Variants in ADAMTS19 observed in about 807,000 individuals in gnomAD.
The protein encoded by ADAMTS19 is A disintegrin and metalloproteinase with thrombospondin motifs 19.
A neutral mutation model predicts 153.3 loss-of-function variants in ADAMTS19; 93 were observed. That is an observed-to-expected ratio of 0.61 (90% confidence interval 0.51 to 0.72). The LOEUF (loss-of-function observed/expected upper bound fraction) is 0.72. Ranked by LOEUF, ADAMTS19 falls within the 30% of genes least tolerant of loss-of-function variation. The probability of loss-of-function intolerance (pLI) is 0.00; values close to 1 mark genes in which losing one functional copy is unlikely to be tolerated. For synonymous variants in ADAMTS19, 600 were observed against 556.6 expected, an observed-to-expected ratio of 1.08 and a Z score of -1.10; for missense variants, 1,482 against 1,552.1, an observed-to-expected ratio of 0.95 and a Z score of 0.76.
Position 129,647,803 on chromosome 5 carries a change from A to C in ADAMTS19, c.1911A>C (p.Ala637=). Residue 637 remains alanine, a synonymous_variant, in exon 12 of 23, where the codon GCA becomes GCC. Transcript: ENST00000274487. The part of the protein sequence containing the change: ...KAGECTSRTS[A]PEHLAGEWSL... ...GAGAATGTACCAGCAGGACCTCAGC[A>C]CCTGAACATCTGGCCGGAGAGTGGA... The C allele has an allele frequency of 6.2e-7, 1 of 1,614,130 alleles. No homozygotes were observed. Among genetic ancestry groups the C allele is most frequent in the African/African-American group, 1.3e-5 (1 of 75,042 alleles).
chr5:129,536,040 A>G (rs1331001070), intron 6 of ADAMTS19, among the ~76,000 whole-genome samples: 3 of 152,236 alleles, frequency 2.0e-5, no homozygotes, highest in South Asian at 2.1e-4. Context: ...AGCAATGGCA[A>G]CAAAAGCCAA....
intron 3 of ADAMTS19, among the ~76,000 whole-genome samples, chr5:129,514,758 G>A (rs1316482403): frequency 6.6e-6 from 1 of 151,730 alleles, no homozygotes; most frequent in African/African-American, 2.4e-5. Flanking sequence ...TTTGTTAATT[G>A]TATCCTTTGC....
At chr5:129,637,107 T>C (rs922090838) in intron 10 of ADAMTS19, among the ~76,000 whole-genome samples, 4 of 152,208 alleles carry the variant, frequency 2.6e-5, no homozygotes, top group African/African-American at 9.6e-5. Flanking sequence ...ATCTTTGCCA[T>C]GTGCCTAATG....
chr5:129,481,238 CAGG>C (rs1279658856), intron 2 of ADAMTS19, among the ~76,000 whole-genome samples: 1 of 152,126 alleles, frequency 6.6e-6, no homozygotes, highest in Non-Finnish European at 1.5e-5. Context: ...CACAAGGTGG[CAGG>C]AGAGAGAGAC....
intron 10 of ADAMTS19, among the ~76,000 whole-genome samples, chr5:129,622,783 C>A (rs1182825364): frequency 6.6e-6 from 1 of 152,134 alleles, no homozygotes; most frequent in African/African-American, 2.4e-5. Flanking sequence ...TACCCACATC[C>A]TCCCAAATAC....
intron 10 of ADAMTS19, among the ~76,000 whole-genome samples, chr5:129,638,356 T>C (rs1400491148): frequency 6.6e-6 from 1 of 152,136 alleles, no homozygotes; most frequent in African/African-American, 2.4e-5. Flanking sequence ...ACTTTTCAAG[T>C]GTATTGGCAT....
At chr5:129,587,806 C>G (rs1335001880) in intron 7 of ADAMTS19, among the ~76,000 whole-genome samples, 1 of 152,018 alleles carries the variant, frequency 6.6e-6, no homozygotes, top group East Asian at 1.9e-4. Flanking sequence ...ACCTCCCACC[C>G]CCAGGTTTTT....
intron 2 of ADAMTS19, among the ~76,000 whole-genome samples, chr5:129,489,620 A>G (rs1581000618): frequency 6.6e-6 from 1 of 152,286 alleles, no homozygotes; most frequent in East Asian, 1.9e-4. Context: ...GTTCATTACT[A>G]TTAGTAAGTT....
intron 21 of ADAMTS19, among the ~76,000 whole-genome samples, chr5:129,719,367 A>G (rs1475493090): frequency 2.0e-5 from 3 of 152,190 alleles, no homozygotes; most frequent in Non-Finnish European, 2.9e-5. Flanking sequence ...AATCTCCCAT[A>G]TGGCCCCCAA....
At chr5:129,492,265 G>A (rs2126692544) in intron 2 of ADAMTS19, among the ~76,000 whole-genome samples, 1 of 152,180 alleles carries the variant, frequency 6.6e-6, no homozygotes, top group African/African-American at 2.4e-5. Flanking sequence ...AGTATCAAGG[G>A]GAGGGTACTA....
intron 8 of ADAMTS19, among the ~76,000 whole-genome samples, chr5:129,613,511 G>C (rs1179800569): frequency 3.3e-5 from 5 of 152,032 alleles, no homozygotes; most frequent in Non-Finnish European, 7.4e-5. Flanking sequence ...CAACATACCA[G>C]AATCTCTGGG....
chr5:129,535,704 C>A (rs946861208), intron 6 of ADAMTS19, among the ~76,000 whole-genome samples: 2 of 152,106 alleles, frequency 1.3e-5, no homozygotes, highest in East Asian at 3.9e-4. Context: ...GTACTGGTAC[C>A]GAAACAGAGA....
chr5:129,494,844 G>T (rs1750875365), intron 2 of ADAMTS19, among the ~76,000 whole-genome samples: 1 of 151,984 alleles, frequency 6.6e-6, no homozygotes, highest in Non-Finnish European at 1.5e-5. Context: ...TCTACCTTCA[G>T]AGTTTATCTT....
chr5:129,599,322 TTAA>T (rs2126925788), intron 8 of ADAMTS19, among the ~76,000 whole-genome samples: 1 of 152,200 alleles, frequency 6.6e-6, no homozygotes, highest in East Asian at 1.9e-4. Context: ...GAAAAAATTA[TTAA>T]TAATTAATTT....
chr5:129,603,831 A>T (rs147697405), intron 8 of ADAMTS19, among the ~76,000 whole-genome samples: 2 of 152,200 alleles, frequency 1.3e-5, no homozygotes, highest in Non-Finnish European at 2.9e-5. Context: ...GCCTGAATCC[A>T]TGATCAAAGC....
At chr5:129,576,128 C>A (rs1488017684) in intron 7 of ADAMTS19, among the ~76,000 whole-genome samples, 7 of 151,850 alleles carry the variant, frequency 4.6e-5, no homozygotes, top group African/African-American at 1.5e-4. Context: ...ACAGCAGAAA[C>A]AAACCCTATT....
intron 7 of ADAMTS19, among the ~76,000 whole-genome samples, chr5:129,576,823 A>G (rs1754121130): frequency 6.6e-6 from 1 of 151,724 alleles, no homozygotes; most frequent in Non-Finnish European, 1.5e-5. Flanking sequence ...ACTTAAGCAT[A>G]TTGGCTGACC....
chr5:129,623,739 AGAGTAAGT>A (rs1485473022), intron 10 of ADAMTS19, among the ~76,000 whole-genome samples: 1 of 152,152 alleles, frequency 6.6e-6, no homozygotes, highest in African/African-American at 2.4e-5. Flanking sequence ...GGACTGGCAC[AGAGTAAGT>A]GAAATATCCA....
chr5:129,550,514 A>G (rs1436363260), intron 6 of ADAMTS19, among the ~76,000 whole-genome samples: 1 of 149,648 alleles, frequency 6.7e-6, no homozygotes, highest in African/African-American at 2.4e-5. Flanking sequence ...ATCTATACAT[A>G]TCTGTATATA....
Sources: allele counts gnomAD v4.1 joint callset (sites outside exome capture counted in the v4.1 genomes callset), GRCh38; gene constraint gnomAD v4.1.1; transcripts MANE v1.5; gene names NCBI Gene and HGNC (gene_info 2026-07-23, HGNC 2026-07-21).